CNTN1: variants seen among roughly 807,000 people sequenced by gnomAD.
The protein encoded by CNTN1 is contactin-1.
Under a neutral mutation model 126.4 loss-of-function variants are expected in CNTN1, and 38 were observed. That is an observed-to-expected ratio of 0.30 (90% CI 0.23 to 0.39). The LOEUF (loss-of-function observed/expected upper bound fraction) is 0.39, where lower values mean the gene tolerates loss of function less well. Ranked by LOEUF, CNTN1 falls within the 10% of genes least tolerant of loss-of-function variation. The pLI, the probability that CNTN1 is intolerant of heterozygous loss-of-function variation, is 1.00. For missense variants in CNTN1, 1,009 were observed against 1,248.4 expected (o/e 0.81, Z 2.89); for synonymous variants, 413 against 422.6 (o/e 0.98, Z 0.28).
intron 1 of CNTN1, among the ~76,000 whole-genome samples, chr12:40,815,606 T>A (rs1036005075): frequency 5.3e-5 from 8 of 152,188 alleles, no homozygotes; most frequent in Admixed American, 5.2e-4. Flanking sequence ...CAGAGACAAC[T>A]TGACTTCCTC....
At chr12:41,018,096 A>AT (rs1403213019) in intron 19 of CNTN1, among the ~76,000 whole-genome samples, 12 of 151,296 alleles carry the variant, frequency 7.9e-5, no homozygotes, top group Non-Finnish European at 1.6e-4. Flanking sequence ...ATCTCAAAAA[A>AT]AAAAAATAAT....
intron 1 of CNTN1, among the ~76,000 whole-genome samples, chr12:40,903,739 C>G (rs987256399): frequency 3.3e-5 from 5 of 152,140 alleles, no homozygotes; most frequent in Non-Finnish European, 7.4e-5. Flanking sequence ...TCTCACTGTC[C>G]TAATGAAAGA....
chr12:40,788,490 GA>G (rs905619402), intron 1 of CNTN1, among the ~76,000 whole-genome samples: 2 of 152,048 alleles, frequency 1.3e-5, no homozygotes, highest in African/African-American at 4.8e-5. Context: ...GCCTCATGGT[GA>G]CCTATTTGGG....
chr12:41,033,819 G>C (rs771133487), intron 23 of CNTN1, among the ~76,000 whole-genome samples: 1 of 151,030 alleles, frequency 6.6e-6, no homozygotes, highest in Non-Finnish European at 1.5e-5. Context: ...CAAGCGGATC[G>C]CGAGGTCAGG....
At chr12:40,770,156 C>G (rs1440175237) in intron 1 of CNTN1, among the ~76,000 whole-genome samples, 2 of 152,068 alleles carry the variant, frequency 1.3e-5, no homozygotes, top group Admixed American at 6.6e-5. Context: ...ATAAAGCAAT[C>G]AACTTTTTTT....
chr12:41,044,418 C>G (rs1474925662), intron 23 of CNTN1, among the ~76,000 whole-genome samples: 1 of 152,036 alleles, frequency 6.6e-6, no homozygotes, highest in Admixed American at 6.6e-5. Flanking sequence ...TTATTTGGCT[C>G]TATCACTGTT....
At chr12:40,766,110 C>A (rs566496614) in intron 1 of CNTN1, among the ~76,000 whole-genome samples, 47 of 152,236 alleles carry the variant, frequency 3.1e-4, no homozygotes, top group African/African-American at 1.0e-3. Context: ...GTAGTCCCAG[C>A]ACTTTGGGAG....
chr12:40,859,625 C>T (rs1418130829), intron 1 of CNTN1, among the ~76,000 whole-genome samples: 1 of 151,968 alleles, frequency 6.6e-6, no homozygotes, highest in East Asian at 1.9e-4. Context: ...GAGTAATATC[C>T]CATCATATTG....
chr12:40,774,653 T>C (rs1363153805), intron 1 of CNTN1, among the ~76,000 whole-genome samples: 3 of 151,654 alleles, frequency 2.0e-5, no homozygotes, highest in Non-Finnish European at 4.4e-5. Flanking sequence ...ATTTCATGAA[T>C]AACTACAGAA....
rs183746610 is a variant in CNTN1, at chr12:40,712,329, T to C, written c.-77+19737T>C. On this transcript the variant is annotated intron_variant, in intron 1 of 23. Coordinates refer to ENST00000551295, the MANE Select transcript of CNTN1 (RefSeq NM_001843.4). ...GAGCATACTGCCATGTCAGTTGATG[T>C]TGTGCTAGGCCATATGATTTTCTGT... Among the ~76,000 whole-genome samples the C allele has an allele frequency of 3.2e-3, 481 of 152,330 alleles. 1 individual carries two copies. The highest frequency in any genetic ancestry group is 4.9e-3 in the Non-Finnish European group (333 of 68,016).
At chr12:40,985,434 C>T (rs966487909) in intron 16 of CNTN1, among the ~76,000 whole-genome samples, 2 of 152,000 alleles carry the variant, frequency 1.3e-5, no homozygotes, top group Non-Finnish European at 2.9e-5. Flanking sequence ...TACATTTTTT[C>T]TATCAGAAAA....
chr12:40,933,371 G>A (rs1196054356), intron 7 of CNTN1, 90 bp from the exon 8 acceptor site: 8 of 915,016 alleles, frequency 8.7e-6, no homozygotes, highest in Non-Finnish European at 1.1e-5. Flanking sequence ...CCATGTTGGA[G>A]CAGCTCTAAT....
intron 1 of CNTN1, among the ~76,000 whole-genome samples, chr12:40,761,381 C>A (rs1938860643): frequency 6.6e-6 from 1 of 152,052 alleles, no homozygotes. Flanking sequence ...GTTCTTCTAC[C>A]AATCTTCACT....
At position 40,888,060 on chromosome 12, in the gene CNTN1, T is replaced by C. The variant is rs564917294; in HGVS notation, c.-76-20297T>C. ...GGATAGCATTAGGAGATATACCTAATGCTAAATGACGAGTTAATGGGTGCA... is the reference window on the plus strand; with the variant it reads ...GGATAGCATTAGGAGATATACCTAACGCTAAATGACGAGTTAATGGGTGCA... On this transcript the variant is annotated intron_variant, in intron 1 of 23. Coordinates refer to ENST00000551295, the MANE Select transcript of CNTN1 (RefSeq NM_001843.4). Among the ~76,000 whole-genome samples the C allele has an allele frequency of 7.3e-5, 11 of 151,366 alleles. No individual in the cohort carries two copies. The East Asian group carries it at 2.2e-3, about 30-fold the overall frequency.
chr12:40,969,200 G>A (rs932713239), intron 15 of CNTN1, among the ~76,000 whole-genome samples: 3 of 151,986 alleles, frequency 2.0e-5, no homozygotes, highest in African/African-American at 4.8e-5. Flanking sequence ...CTTTCTTGAG[G>A]GAGCCTTTTG....
At chr12:40,842,069 A>G (rs943102777) in intron 1 of CNTN1, among the ~76,000 whole-genome samples, 2 of 152,042 alleles carry the variant, frequency 1.3e-5, no homozygotes, top group Non-Finnish European at 2.9e-5. Flanking sequence ...AAAATAAGCC[A>G]CTCATAAACC....
chr12:40,739,785 A>G (rs542970382), intron 1 of CNTN1, among the ~76,000 whole-genome samples: 1 of 152,108 alleles, frequency 6.6e-6, no homozygotes, highest in African/African-American at 2.4e-5. Flanking sequence ...TAAGGAAAAT[A>G]CAAGGAAAGA....
At chr12:40,888,219 A>G (rs982857014) in intron 1 of CNTN1, among the ~76,000 whole-genome samples, 6 of 152,162 alleles carry the variant, frequency 3.9e-5, no homozygotes, top group Non-Finnish European at 2.9e-5. Context: ...AGTCTTATTA[A>G]TAACCCGATT....
intron 1 of CNTN1, among the ~76,000 whole-genome samples, chr12:40,830,936 CATATATATAT>C (rs10592424): frequency 4.5e-5 from 3 of 66,108 alleles, no homozygotes; most frequent in African/African-American, 1.6e-4. Flanking sequence ...TATACATATA[CATATATATAT>C]ATATATATAT....
Sources: gnomAD v4.1 joint callset for allele counts (sites outside exome capture counted in the v4.1 genomes callset) on GRCh38, gnomAD v4.1.1 for gene constraint, MANE v1.5 for transcripts, NCBI Gene and HGNC (gene_info 2026-07-23, HGNC 2026-07-21) for gene names.